The following SUGCT variants were observed in gnomAD, a reference collection of about 807,000 sequenced individuals.
The protein encoded by SUGCT is succinyl-CoA:glutarate-CoA transferase.
SUGCT carries 41 observed loss-of-function variants against 55.0 expected under a neutral mutation model. The observed-to-expected ratio is 0.74, with a 90% CI of 0.58 to 0.97. The LOEUF (loss-of-function observed/expected upper bound fraction) is 0.97. SUGCT is among the 50% of genes least tolerant of loss of function. The pLI, the probability that SUGCT is intolerant of heterozygous loss-of-function variation, is 0.00. For missense variants in SUGCT, 568 were observed against 547.8 expected (o/e 1.04, Z -0.37); for synonymous variants, 187 against 200.4 (o/e 0.93, Z 0.56).
At chr7:40,526,934 G>T (rs1793830432) in intron 12 of SUGCT, among the ~76,000 whole-genome samples, 1 of 152,098 alleles carries the variant, frequency 6.6e-6, no homozygotes, top group Non-Finnish European at 1.5e-5. Flanking sequence ...GGTCTATCTT[G>T]CTATTTGATA....
At chr7:40,616,106 G>T (rs925755480) in intron 12 of SUGCT, among the ~76,000 whole-genome samples, 5 of 152,092 alleles carry the variant, frequency 3.3e-5, no homozygotes, top group Non-Finnish European at 7.4e-5. Flanking sequence ...ATTATTGAAT[G>T]ACTATTATGT....
chr7:40,375,635 C>T (rs557217695), intron 9 of SUGCT, among the ~76,000 whole-genome samples: 1 of 152,242 alleles, frequency 6.6e-6, no homozygotes, highest in Admixed American at 6.5e-5. Flanking sequence ...CCCAGACAAC[C>T]CTATCTAAAA....
chr7:40,364,000 G>A lies in SUGCT; in HGVS notation c.816+47145G>A, dbSNP rs13238467. Among the ~76,000 whole-genome samples, 1,417 of 152,088 alleles carry A rather than the reference G, an allele frequency of 9.3e-3. 15 individuals are homozygous for A. Among genetic ancestry groups the A allele is most frequent in the Non-Finnish European group, 0.013 (886 of 67,952 alleles). ...TTGCTTTATGAATCTGGGTGCTCCT[G>A]TATTGGGTGCATATATATTTAGGAT... On this transcript the variant is annotated intron_variant, in intron 9 of 13. Transcript: ENST00000335693.
intron 7 of SUGCT, among the ~76,000 whole-genome samples, chr7:40,245,776 A>G (rs1026680995): frequency 1.3e-5 from 2 of 151,898 alleles, no homozygotes; most frequent in African/African-American, 4.8e-5. Context: ...AGATTTTTTG[A>G]TAGAGGCATA....
intron 8 of SUGCT, among the ~76,000 whole-genome samples, chr7:40,302,262 T>C (rs1232299456): frequency 6.6e-6 from 1 of 152,124 alleles, no homozygotes; most frequent in African/African-American, 2.4e-5. Flanking sequence ...CACCTGTTAT[T>C]CTTCCCACCT....
At chr7:40,642,952 A>G (rs1800335200) in intron 12 of SUGCT, among the ~76,000 whole-genome samples, 1 of 152,222 alleles carries the variant, frequency 6.6e-6, no homozygotes, top group African/African-American at 2.4e-5. Context: ...GCAAAAAAAC[A>G]AAAACAAAAC....
At chr7:40,499,101 G>T in intron 12 of SUGCT, 1 of 456,718 alleles carries the variant, frequency 2.2e-6, no homozygotes, top group Non-Finnish European at 4.4e-6. Context: ...TCAGATGTGG[G>T]AACGCACCAC....
intron 6 of SUGCT, among the ~76,000 whole-genome samples, chr7:40,215,143 CTTTTT>C (rs1282234010): frequency 6.6e-6 from 1 of 150,982 alleles, no homozygotes; most frequent in Admixed American, 6.6e-5. Flanking sequence ...ACTTTGAACA[CTTTTT>C]TTTTGTTTGT....
At chr7:40,228,954 T>C (rs78141785) in intron 6 of SUGCT, among the ~76,000 whole-genome samples, 292 of 152,322 alleles carry the variant, frequency 1.9e-3, no homozygotes, top group Middle Eastern at 3.4e-3. Context: ...CTCAGGCCAG[T>C]AAAGGCCTTT....
intron 12 of SUGCT, among the ~76,000 whole-genome samples, chr7:40,535,500 G>T (rs905436511): frequency 3.3e-5 from 5 of 152,172 alleles, no homozygotes; most frequent in African/African-American, 1.2e-4. Flanking sequence ...ATTCCTGAAA[G>T]AACACAGAAC....
chr7:40,267,126 A>G (rs1014608803), intron 7 of SUGCT, among the ~76,000 whole-genome samples: 3 of 152,128 alleles, frequency 2.0e-5, no homozygotes, highest in Non-Finnish European at 2.9e-5. Context: ...GTGAATAATC[A>G]GAAGACTTTT....
chr7:40,950,453 T>C, the SUGCT span, among the ~76,000 whole-genome samples: 1 of 152,202 alleles, frequency 6.6e-6, no homozygotes, highest in Non-Finnish European at 1.5e-5. Flanking sequence ...TTTATTTCTT[T>C]CTCCTGCCTG....
chr7:40,163,606 GAA>G lies in SUGCT; in HGVS notation c.101-17327_101-17326del, dbSNP rs11298191. On this transcript the variant is annotated intron_variant, in intron 1 of 13. Transcript: ENST00000335693. ...GGTGATAGAGCGAGACTCTGTCTCA[GAA>G]AAAAAAAAAAAAAGCAGGTTATTAT... Among the ~76,000 whole-genome samples, 166 of 126,498 alleles carry G rather than the reference GAA, an allele frequency of 1.3e-3. 1 individual carries two copies. In the Middle Eastern group the frequency reaches 0.015, roughly 11 times the overall value. 83.0% of individuals were successfully genotyped at this position (126,498 alleles called of 152,430 possible).
intron 9 of SUGCT, among the ~76,000 whole-genome samples, chr7:40,343,560 A>T (rs6462975): frequency 0.13 from 20,239 of 151,980 alleles, 1,769 homozygotes; most frequent in Middle Eastern, 0.21. Context: ...CCTTTGGCCG[A>T]TCTCCAAACT....
intron 9 of SUGCT, among the ~76,000 whole-genome samples, chr7:40,403,214 T>C (rs1786176653): frequency 6.6e-6 from 1 of 152,214 alleles, no homozygotes; most frequent in Non-Finnish European, 1.5e-5. Flanking sequence ...TGTACAAAAA[T>C]GCAAGTGCTT....
At chr7:40,751,372 C>T (rs1788002920) in intron 13 of SUGCT, among the ~76,000 whole-genome samples, 1 of 152,006 alleles carries the variant, frequency 6.6e-6, no homozygotes, top group African/African-American at 2.4e-5. Context: ...CAATTTACAG[C>T]TTAAAGCCGG....
chr7:40,986,286 G>A, the SUGCT span, among the ~76,000 whole-genome samples: 1 of 152,202 alleles, frequency 6.6e-6, no homozygotes, highest in African/African-American at 2.4e-5. Flanking sequence ...ATCAGAATAT[G>A]TGAATGTGGA....
chr7:40,843,642 A>T (rs1018084208), intron 13 of SUGCT, among the ~76,000 whole-genome samples: 7 of 152,154 alleles, frequency 4.6e-5, no homozygotes, highest in African/African-American at 1.7e-4. Flanking sequence ...CAAAGTTCCC[A>T]AGGAGGAACA....
chr7:40,574,693 A>G (rs1173601152), intron 12 of SUGCT, among the ~76,000 whole-genome samples: 1 of 152,094 alleles, frequency 6.6e-6, no homozygotes, highest in African/African-American at 2.4e-5. Context: ...TGACCTCCCA[A>G]AGTATTGGGA....
Sources: allele counts gnomAD v4.1 joint callset (sites outside exome capture counted in the v4.1 genomes callset), GRCh38; gene constraint gnomAD v4.1.1; transcripts MANE v1.5; gene names NCBI Gene and HGNC (gene_info 2026-07-23, HGNC 2026-07-21).